The following LAMA2 variants were observed in gnomAD, a reference collection of about 807,000 sequenced individuals.
LAMA2 encodes the protein laminin subunit alpha 2.
Under a neutral mutation model 364.8 loss-of-function variants are expected in LAMA2, and 269 were observed. The observed-to-expected ratio is 0.74, with a 90% CI of 0.67 to 0.82. The LOEUF (loss-of-function observed/expected upper bound fraction) is 0.82. Among genes scored for constraint, LAMA2 ranks in the 40% least tolerant of loss-of-function variants. The probability of loss-of-function intolerance (pLI) is 0.00; values close to 1 mark genes in which losing one functional copy is unlikely to be tolerated. For synonymous variants in LAMA2, 1,379 were observed against 1,370.6 expected (o/e 1.01, Z -0.14); for missense variants, 3,807 against 3,873.2 (o/e 0.98, Z 0.45).
intron 52 of LAMA2, among the ~76,000 whole-genome samples, 179 bp from the exon 53 acceptor site, chr6:129,475,211 A>G (rs1784008357): frequency 6.6e-6 from 1 of 151,958 alleles, no homozygotes; most frequent in Non-Finnish European, 1.5e-5. Flanking sequence ...CACTGCCGTC[A>G]AGGGTATAAG....
chr6:129,297,958 T>C (rs1773298635), intron 21 of LAMA2, 93 bp downstream of exon 21: 1 of 1,023,086 alleles, frequency 9.8e-7, no homozygotes, highest in African/African-American at 1.7e-5. Flanking sequence ...GAAGCACAGA[T>C]TGATACAACG....
chr6:128,955,983 T>C (rs1163590086), intron 1 of LAMA2, among the ~76,000 whole-genome samples: 1 of 151,900 alleles, frequency 6.6e-6, no homozygotes, highest in Non-Finnish European at 1.5e-5. Flanking sequence ...AGACAGCTGA[T>C]CAAAACACAT....
intron 21 of LAMA2, among the ~76,000 whole-genome samples, chr6:129,298,151 C>CTCAGTAAAAATCAGCAGAT (rs1554265349): frequency 1.2e-4 from 18 of 152,114 alleles, no homozygotes; most frequent in East Asian, 1.9e-4. Context: ...AACACTGCTA[C>CTCAGTAAAAATCAGCAGAT]GGCTTGAAAG....
At chr6:129,401,408 T>A (rs1562530559) in intron 38 of LAMA2, 68 bp downstream of exon 38, 7 of 988,742 alleles carry the variant, frequency 7.1e-6, no homozygotes, top group Non-Finnish European at 1.1e-5. Flanking sequence ...GAAAGCTCAG[T>A]AATAGAAGCA....
intron 4 of LAMA2, among the ~76,000 whole-genome samples, chr6:129,139,980 T>C (rs936091076): frequency 1.3e-5 from 2 of 152,162 alleles, no homozygotes; most frequent in Non-Finnish European, 2.9e-5. Context: ...AAGTTTCTGA[T>C]ACTTATTCAT....
At chr6:129,115,851 A>C (rs1478800) in intron 4 of LAMA2, among the ~76,000 whole-genome samples, 93,762 of 151,980 alleles carry the variant, frequency 0.62, 32,213 homozygotes, top group East Asian at 0.82. Flanking sequence ...AAATGAGATA[A>C]TTTACATAAC....
At chr6:128,997,798 A>G (rs377516353) in intron 1 of LAMA2, among the ~76,000 whole-genome samples, 3 of 152,270 alleles carry the variant, frequency 2.0e-5, no homozygotes, top group African/African-American at 7.2e-5. Flanking sequence ...CTGTCTCAAA[A>G]GAAAAAAAAA....
intron 3 of LAMA2, among the ~76,000 whole-genome samples, chr6:129,096,801 G>A (rs941181668): frequency 2.6e-5 from 4 of 152,118 alleles, no homozygotes; most frequent in South Asian, 2.1e-4. Flanking sequence ...TGACTCATTC[G>A]ATGGGTGATT....
At chr6:129,499,052 C>T (rs372944123) in intron 58 of LAMA2, among the ~76,000 whole-genome samples, 3 of 152,170 alleles carry the variant, frequency 2.0e-5, no homozygotes, top group South Asian at 4.1e-4. Context: ...CTGCTCTAAT[C>T]AACAGGTGCA....
chr6:129,348,947 G>T (rs1450701219), intron 30 of LAMA2, among the ~76,000 whole-genome samples: 1 of 151,988 alleles, frequency 6.6e-6, no homozygotes, highest in Non-Finnish European at 1.5e-5. Flanking sequence ...CAGACAATGT[G>T]CATAAATTCT....
chr6:129,069,474 A>G (rs745466839), intron 3 of LAMA2, among the ~76,000 whole-genome samples: 49 of 148,732 alleles, frequency 3.3e-4, no homozygotes, highest in Middle Eastern at 7.1e-3. Context: ...TTTTTAAATA[A>G]GGAATTACAA....
chr6:129,270,733 T>G lies in LAMA2; in HGVS notation c.2432T>G (p.Leu811Arg). 2 of 1,613,214 alleles carry G rather than the reference T, an allele frequency of 1.2e-6. No individual in the cohort carries two copies. The highest frequency in any genetic ancestry group is 1.7e-6 in the Non-Finnish European group (2 of 1,179,468). The change falls in exon 17 of 65, where the codon CTC (leucine) becomes CGC (arginine). Residue 811 changes from leucine (L) to arginine (R), a missense_variant. By Grantham distance (102) the Leu-to-Arg change is moderately radical (BLOSUM62 -2). Coordinates refer to ENST00000421865, the MANE Select transcript of LAMA2 (RefSeq NM_000426.4). The part of the protein sequence containing the change: ...SEDCQPCACP[L>R]NIPSNNFSPT... ...GACTGTCAACCCTGTGCCTGTCCAC[T>G]CAATATCCCATCCAATAAGTAAGTA...
Position 128,934,161 on chromosome 6 carries a change from C to G in LAMA2, c.112+50804C>G, listed in dbSNP as rs554117785. Among the ~76,000 whole-genome samples, 4 of 152,280 alleles carry G rather than the reference C, an allele frequency of 2.6e-5. No homozygotes were observed. In the South Asian group the frequency reaches 6.2e-4, roughly 24 times the overall value. On this transcript the variant is annotated intron_variant, in intron 1 of 64. Coordinates refer to ENST00000421865, the MANE Select transcript of LAMA2 (RefSeq NM_000426.4). ...AAATCATTCTTTTGCATGTGGATAT[C>G]TAGTTTCCCCAATACAGTTTATTGA...
rs1774577148 is a variant in LAMA2, at chr6:129,315,963, ATTGT to A, written c.3924+17_3924+20del. ...TGAAATGACAGAGGTAAAGTTAGTC[ATTGT>A]TTGGTGCAAAGATACCAATCAATGG... On this transcript the variant is annotated intron_variant, in intron 26 of 64. Transcript: ENST00000421865. 6.2e-7 allele frequency: 1 copy of A among 1,613,980 alleles called. No homozygotes were observed. Among genetic ancestry groups the A allele is most frequent in the African/African-American group, 1.3e-5 (1 of 74,924 alleles).
intron 3 of LAMA2, among the ~76,000 whole-genome samples, chr6:129,072,795 T>C: frequency 6.6e-6 from 1 of 152,226 alleles, no homozygotes; most frequent in East Asian, 1.9e-4. Flanking sequence ...TTGTAATATT[T>C]TACCTCAGTC....
intron 1 of LAMA2, among the ~76,000 whole-genome samples, chr6:128,988,458 G>A (rs889249674): frequency 7.9e-5 from 12 of 152,268 alleles, no homozygotes; most frequent in Admixed American, 3.3e-4. Flanking sequence ...TACTAAGGGT[G>A]TTTGGGTTAT....
intron 1 of LAMA2, among the ~76,000 whole-genome samples, chr6:128,898,959 A>T (rs1052942538): frequency 1.3e-5 from 2 of 151,992 alleles, no homozygotes; most frequent in East Asian, 3.9e-4. Flanking sequence ...TTCCAATCTC[A>T]TGTCAAATGT....
In LAMA2 at chr6:128,921,704, T is replaced by TTTTTTG. The variant is rs1554324911; in HGVS notation, c.112+38352_112+38353insGTTTTT. On this transcript the variant is annotated intron_variant, in intron 1 of 64. Transcript: ENST00000421865. ...ACTGTGAAATGAATGTCTGTTTTTTTTTTTTTTTTATTATTATTATACTTT... is the reference window on the plus strand; with the variant it reads ...ACTGTGAAATGAATGTCTGTTTTTTTTTTTTGTTTTTTTTTATTATTATTATACTTT... 4.6e-3 allele frequency among the ~76,000 whole-genome samples: 664 copies of TTTTTTG among 145,048 alleles called. 4 individuals carry two copies. Among genetic ancestry groups the TTTTTTG allele is most frequent in the African/African-American group, 0.015 (545 of 35,436 alleles).
chr6:129,079,283 G>T (rs977097153), intron 3 of LAMA2, among the ~76,000 whole-genome samples: 2 of 152,022 alleles, frequency 1.3e-5, no homozygotes, highest in African/African-American at 2.4e-5. Flanking sequence ...AGTTATTGTT[G>T]TTAAATCTCT....
Sources: allele counts gnomAD v4.1 joint callset (sites outside exome capture counted in the v4.1 genomes callset), GRCh38; gene constraint gnomAD v4.1.1; transcripts MANE v1.5; gene names NCBI Gene and HGNC (gene_info 2026-07-23, HGNC 2026-07-21).